Variants in FER1L6 observed in about 807,000 individuals in gnomAD.
FER1L6 encodes the protein fer-1-like protein 6.
A neutral mutation model predicts 219.2 loss-of-function variants in FER1L6; 177 were observed. The ratio of observed to expected loss-of-function variants is 0.81; its 90% CI spans 0.71 to 0.91. FER1L6 has a LOEUF of 0.91. Ranked by LOEUF, FER1L6 falls within the 40% of genes least tolerant of loss-of-function variation. FER1L6 has a pLI of 0.00. For missense variants in FER1L6, 2,153 were observed against 2,259.9 expected (o/e 0.95, Z 0.96); for synonymous variants, 768 against 824.3 (o/e 0.93, Z 1.17).
rs987386708 is a variant in FER1L6, at chr8:124,103,150, C to T, written c.5130C>T (p.Thr1710=). ...GTTAGGGTCATCTCTCCACAGGCAC[C>T]CTGGAAATGAACCTCAACAGTTTCC... ...ERLSSDDFLG[T]LEMNLNSFPR... Residue 1710 remains threonine, a synonymous_variant, in exon 39 of 41, where the codon ACC becomes ACT. Transcript: ENST00000522917. 4 of 1,613,652 alleles carry T rather than the reference C, an allele frequency of 2.5e-6. No individual in the cohort carries two copies. The East Asian group carries it at 8.9e-5, about 36-fold the overall frequency.
chr8:123,957,617 A>G (rs1471919974), intron 2 of FER1L6, among the ~76,000 whole-genome samples: 1 of 152,182 alleles, frequency 6.6e-6, no homozygotes, highest in East Asian at 1.9e-4. Flanking sequence ...CAGGTCACAC[A>G]GCTAATAAAT....
At chr8:124,000,371 T>C (rs1817347181) in intron 12 of FER1L6, among the ~76,000 whole-genome samples, 1 of 152,250 alleles carries the variant, frequency 6.6e-6, no homozygotes, top group South Asian at 2.1e-4. Context: ...TGCTGGTTCT[T>C]ATGAAGGTGC....
rs781261629 is a variant in FER1L6, at chr8:124,039,852, C to A, written c.2465-30C>A. 37 of 1,613,786 alleles carry A rather than the reference C, an allele frequency of 2.3e-5. No homozygotes were observed. In the East Asian group the frequency reaches 8.2e-4, roughly 36 times the overall value. ...ACACTGTTCTTGAAAAGCCCACTAA[C>A]ACCTGCCCCCTTCCATGATTTGTCC... On this transcript the variant is annotated intron_variant, in intron 19 of 40. Coordinates refer to ENST00000522917, the MANE Select transcript of FER1L6 (RefSeq NM_001039112.2).
chr8:124,115,868 C>G (rs1823224369), intron 39 of FER1L6, among the ~76,000 whole-genome samples: 1 of 152,160 alleles, frequency 6.6e-6, no homozygotes, highest in African/African-American at 2.4e-5. Context: ...TTCACAAGTC[C>G]TATTCACTTG....
Position 123,872,322 on chromosome 8 carries a change from G to A in FER1L6, c.-8+20137G>A, listed in dbSNP as rs1189993770. The stretch of plus-strand genomic sequence containing the variant: ...TCCAAACTATATCACCGTCATTCTA[G>A]TCTCATTGTGAGAAAAATATCAGAC... On this transcript the variant is annotated intron_variant, in intron 1 of 40. Transcript: ENST00000522917. Among the ~76,000 whole-genome samples, 4 of 152,154 alleles carry A rather than the reference G, an allele frequency of 2.6e-5. No individual in the cohort carries two copies. In the East Asian group the frequency reaches 7.7e-4, roughly 29 times the overall value.
intron 34 of FER1L6, among the ~76,000 whole-genome samples, chr8:124,094,606 C>A (rs1822193664): frequency 6.6e-6 from 1 of 152,114 alleles, no homozygotes; most frequent in Non-Finnish European, 1.5e-5. Flanking sequence ...CTGCCTCAGC[C>A]TCCTGAGTAG....
intron 32 of FER1L6, among the ~76,000 whole-genome samples, chr8:124,078,084 G>A (rs1311899048): frequency 2.0e-5 from 3 of 152,170 alleles, no homozygotes; most frequent in African/African-American, 4.8e-5. Flanking sequence ...AGAAGTATTT[G>A]AGCAGGGACT....
At position 124,062,049 on chromosome 8, in the gene FER1L6, A is replaced by G. The variant is rs1449209339; in HGVS notation, c.3328+17A>G. 6.2e-7 allele frequency: 1 copy of G among 1,613,368 alleles called. No individual in the cohort carries two copies. Among genetic ancestry groups the G allele is most frequent in the African/African-American group, 1.3e-5 (1 of 74,936 alleles). Reference sequence around the variant, plus strand: ...CTGGGCACGGTGAGAAGCTGCTCTTAGATTTTGTAGCTGTAACTATAAAGT... The same window carrying G: ...CTGGGCACGGTGAGAAGCTGCTCTTGGATTTTGTAGCTGTAACTATAAAGT... On this transcript the variant is annotated intron_variant, in intron 25 of 40. Transcript: ENST00000522917.
intron 12 of FER1L6, among the ~76,000 whole-genome samples, chr8:123,994,685 C>G (rs544552477): frequency 6.6e-6 from 1 of 152,292 alleles, no homozygotes; most frequent in South Asian, 2.1e-4. Context: ...CTTGTGGCTG[C>G]AACACGTTTC....
At position 123,969,889 on chromosome 8, in the gene FER1L6, G is replaced by T; in HGVS notation, c.385-146G>T. ...CTCCAAAAAAAAAAAAAAAAAAAGAGAATTGACAATTGACAATCAATTGAT... is the reference window on the plus strand; with the variant it reads ...CTCCAAAAAAAAAAAAAAAAAAAGATAATTGACAATTGACAATCAATTGAT... On this transcript the variant is annotated intron_variant, in intron 5 of 40. Coordinates refer to ENST00000522917, the MANE Select transcript of FER1L6 (RefSeq NM_001039112.2). The T allele has an allele frequency of 7.6e-6, 4 of 528,088 alleles. No homozygotes were observed. In the East Asian group the frequency reaches 1.0e-4, roughly 14 times the overall value. The allele number at this position is 528,088 out of a possible 1,614,324, so 32.7% of individuals were successfully genotyped here.
At chr8:124,013,774 C>A (rs1181969268) in intron 15 of FER1L6, 1 of 273,060 alleles carries the variant, frequency 3.7e-6, no homozygotes, top group African/African-American at 2.2e-5. Flanking sequence ...TACAGAGACT[C>A]TGTAGGAAAC....
Position 124,082,425 on chromosome 8 carries a change from G to A in FER1L6, c.4358G>A (p.Arg1453Gln), listed in dbSNP as rs560213365. Residue 1453 changes from arginine to glutamine, a missense_variant, in exon 33 of 41, where the codon CGA (arginine) becomes CAA (glutamine). Physicochemically the swap from Arg to Gln is conservative, Grantham distance 43 (BLOSUM62 1). Transcript: ENST00000522917. ...GAGAACCGCTTCTACAGCAAACACC[G>A]AGCCATCTGTGGCTTGCAGAGCCAG... ...DLENRFYSKH[R>Q]AICGLQSQYE... 3.5e-5 allele frequency: 56 copies of A among 1,613,938 alleles called. No homozygotes were observed. The highest frequency in any genetic ancestry group is 2.2e-4 in the East Asian group (10 of 44,868).
chr8:123,959,976 C>T (rs1252860775), intron 2 of FER1L6, among the ~76,000 whole-genome samples: 1 of 152,134 alleles, frequency 6.6e-6, no homozygotes, highest in Non-Finnish European at 1.5e-5. Context: ...AAAAAAATGC[C>T]AAGAAATTCT....
At chr8:123,866,004 C>T (rs1399979697) in intron 1 of FER1L6, among the ~76,000 whole-genome samples, 1 of 140,472 alleles carries the variant, frequency 7.1e-6, no homozygotes, top group East Asian at 2.1e-4. Context: ...TTGGCTCCTC[C>T]CCCCCACATT....
At chr8:123,870,490 CTGTT>C (rs1415916522) in intron 1 of FER1L6, among the ~76,000 whole-genome samples, 2 of 152,156 alleles carry the variant, frequency 1.3e-5, no homozygotes, top group Non-Finnish European at 2.9e-5. Flanking sequence ...AGCTATTAAA[CTGTT>C]AAGCTACACA....
At chr8:124,039,060 G>A (rs1253210644) in intron 19 of FER1L6, among the ~76,000 whole-genome samples, 1 of 152,200 alleles carries the variant, frequency 6.6e-6, no homozygotes, top group Non-Finnish European at 1.5e-5. Flanking sequence ...TGAACCCTGA[G>A]CTGCCCCAAC....
intron 1 of FER1L6, among the ~76,000 whole-genome samples, chr8:123,917,960 C>G (rs1369638503): frequency 1.3e-5 from 2 of 152,174 alleles, no homozygotes; most frequent in Non-Finnish European, 2.9e-5. Context: ...CTTGCATTTT[C>G]CCCTTGAACT....
chr8:123,942,418 G>T (rs1814277910), intron 1 of FER1L6, among the ~76,000 whole-genome samples: 1 of 152,192 alleles, frequency 6.6e-6, no homozygotes, highest in Non-Finnish European at 1.5e-5. Context: ...ATGGACAAGG[G>T]GCAGTGTATT....
chr8:124,002,374 A>G (rs915853545), intron 12 of FER1L6, among the ~76,000 whole-genome samples: 22 of 152,112 alleles, frequency 1.4e-4, no homozygotes, highest in African/African-American at 4.8e-4. Flanking sequence ...AGGAACGAAG[A>G]AGTTAGGAAG....
Sources: allele counts gnomAD v4.1 joint callset (sites outside exome capture counted in the v4.1 genomes callset), GRCh38; gene constraint gnomAD v4.1.1; transcripts MANE v1.5; gene names NCBI Gene and HGNC (gene_info 2026-07-23, HGNC 2026-07-21).